Variants in TMEM132D observed in about 807,000 individuals in gnomAD.
TMEM132D encodes the protein mature OL transmembrane protein.
TMEM132D carries 21 observed loss-of-function variants against 62.3 expected under a neutral mutation model. That is an observed-to-expected ratio of 0.34 (90% CI 0.24 to 0.49). TMEM132D has a LOEUF of 0.49. Among genes scored for constraint, TMEM132D ranks in the 20% least tolerant of loss-of-function variants. The pLI, the probability that TMEM132D is intolerant of heterozygous loss-of-function variation, is 0.99. For missense variants in TMEM132D, 1,346 were observed against 1,402.8 expected (o/e 0.96, Z 0.65); for synonymous variants, 621 against 575.6 (o/e 1.08, Z -1.13).
chr12:129,511,717 C>A (rs1385899801), intron 3 of TMEM132D, among the ~76,000 whole-genome samples: 1 of 152,136 alleles, frequency 6.6e-6, no homozygotes, highest in Non-Finnish European at 1.5e-5. Flanking sequence ...AGTCCTTTGT[C>A]AGCATTATGA....
intron 3 of TMEM132D, among the ~76,000 whole-genome samples, chr12:129,509,562 G>A (rs1875438226): frequency 6.6e-6 from 1 of 151,990 alleles, no homozygotes; most frequent in Non-Finnish European, 1.5e-5. Context: ...TCAAATATTA[G>A]GTCTTATTCA....
chr12:129,240,165 C>T (rs189719826), intron 4 of TMEM132D, among the ~76,000 whole-genome samples: 1 of 152,344 alleles, frequency 6.6e-6, no homozygotes, highest in African/African-American at 2.4e-5. Flanking sequence ...AATCCCGCCA[C>T]TCAGAGCCAC....
intron 1 of TMEM132D, among the ~76,000 whole-genome samples, chr12:129,752,445 A>G (rs1870030208): frequency 6.6e-6 from 1 of 152,254 alleles, no homozygotes; most frequent in East Asian, 1.9e-4. Context: ...TTAAATGTTC[A>G]TGCCTCAAAA....
chr12:129,471,342 A>AG (rs1329047660), intron 3 of TMEM132D, among the ~76,000 whole-genome samples: 1 of 151,814 alleles, frequency 6.6e-6, no homozygotes, highest in Non-Finnish European at 1.5e-5. Flanking sequence ...CAATATTTTA[A>AG]GTTATTATTA....
intron 4 of TMEM132D, 52 bp downstream of exon 4, chr12:129,337,582 C>G (rs2135657705): frequency 6.2e-7 from 1 of 1,607,062 alleles, no homozygotes; most frequent in Non-Finnish European, 8.5e-7. Context: ...GGCGCCGGCG[C>G]CTTCCCCTCC....
At chr12:129,671,262 A>G (rs900401983) in intron 2 of TMEM132D, among the ~76,000 whole-genome samples, 8 of 152,208 alleles carry the variant, frequency 5.3e-5, no homozygotes, top group African/African-American at 1.9e-4. Context: ...AGAATAACTT[A>G]AAAGGTCTTT....
At chr12:129,235,508 T>A (rs889541976) in intron 4 of TMEM132D, among the ~76,000 whole-genome samples, 2 of 152,194 alleles carry the variant, frequency 1.3e-5, no homozygotes, top group African/African-American at 2.4e-5. Context: ...ATGTTGAGAT[T>A]AATCCTTGCT....
intron 4 of TMEM132D, among the ~76,000 whole-genome samples, chr12:129,313,171 A>ATTT (rs1882023112): frequency 6.6e-6 from 1 of 150,766 alleles, no homozygotes; most frequent in Non-Finnish European, 1.5e-5. Context: ...ATTTTATTTT[A>ATTT]TATTTTATTT....
At chr12:129,085,975 A>G (rs940648734) in intron 5 of TMEM132D, 4 of 152,228 alleles carry the variant, frequency 2.6e-5, no homozygotes, top group South Asian at 2.1e-4. Context: ...AGGTATCCAC[A>G]TCCTCATCCT....
At chr12:129,815,498 C>T (rs1209590173) in intron 1 of TMEM132D, among the ~76,000 whole-genome samples, 1 of 152,204 alleles carries the variant, frequency 6.6e-6, no homozygotes, top group Non-Finnish European at 1.5e-5. Context: ...GACTGTCTCA[C>T]CGTTCCAGGA....
At chr12:129,657,286 T>C (rs1464976793) in intron 2 of TMEM132D, among the ~76,000 whole-genome samples, 3 of 152,182 alleles carry the variant, frequency 2.0e-5, no homozygotes. Context: ...CAGAGGCTCA[T>C]GGCTGAACAG....
chr12:129,773,343 C>A (rs569201947), intron 1 of TMEM132D, among the ~76,000 whole-genome samples: 1 of 152,142 alleles, frequency 6.6e-6, no homozygotes, highest in African/African-American at 2.4e-5. Context: ...ATTGTGGAGG[C>A]TGCCACGTGT....
At chr12:129,243,818 T>C (rs1879999431) in intron 4 of TMEM132D, among the ~76,000 whole-genome samples, 1 of 152,222 alleles carries the variant, frequency 6.6e-6, no homozygotes, top group Non-Finnish European at 1.5e-5. Flanking sequence ...TAACTTTTTA[T>C]TGGTTTAGTT....
chr12:129,682,416 A>G (rs1322643547), intron 2 of TMEM132D, among the ~76,000 whole-genome samples: 2 of 152,138 alleles, frequency 1.3e-5, no homozygotes, highest in Non-Finnish European at 2.9e-5. Context: ...AGGTGCCCAG[A>G]GCTGCAACTC....
chr12:129,326,961 C>A (rs982454796), intron 4 of TMEM132D, among the ~76,000 whole-genome samples: 1 of 152,126 alleles, frequency 6.6e-6, no homozygotes, highest in Non-Finnish European at 1.5e-5. Flanking sequence ...CAGATACTTG[C>A]GCCTCTATGC....
chr12:129,499,096 T>C lies in TMEM132D; in HGVS notation c.1115+31963A>G, dbSNP rs553776771. 9.2e-5 allele frequency among the ~76,000 whole-genome samples: 14 copies of C among 152,288 alleles called. No homozygotes were observed. The East Asian group carries it at 2.7e-3, about 29-fold the overall frequency. ...AATATTCTGGGAGCTGGAACTAGTA[T>C]AGGAAGAGAAAAAGGAAAATAACAT... On this transcript the variant is annotated intron_variant, in intron 3 of 8. Transcript: ENST00000422113.
intron 5 of TMEM132D, among the ~76,000 whole-genome samples, chr12:129,108,085 T>C (rs564048522): frequency 5.2e-4 from 79 of 152,186 alleles, no homozygotes; most frequent in Non-Finnish European, 1.0e-3. Flanking sequence ...TGCAAGAATA[T>C]GCCTTGATCC....
At chr12:129,871,578 T>C (rs180711488) in intron 1 of TMEM132D, among the ~76,000 whole-genome samples, 10 of 152,262 alleles carry the variant, frequency 6.6e-5, no homozygotes, top group South Asian at 2.1e-4. Flanking sequence ...TAAATGTTTC[T>C]AGCAAGCAGA....
At chr12:129,412,723 G>C (rs1361083954) in intron 3 of TMEM132D, among the ~76,000 whole-genome samples, 1 of 152,034 alleles carries the variant, frequency 6.6e-6, no homozygotes, top group Non-Finnish European at 1.5e-5. Context: ...TGTGGTGGTG[G>C]GCACCTATAA....
Sources: allele counts gnomAD v4.1 joint callset (sites outside exome capture counted in the v4.1 genomes callset), GRCh38; gene constraint gnomAD v4.1.1; transcripts MANE v1.5; gene names NCBI Gene and HGNC (gene_info 2026-07-23, HGNC 2026-07-21).